The following TGM2 variants were observed in gnomAD, a reference collection of about 807,000 sequenced individuals.
TGM2 encodes the protein protein-glutamine gamma-glutamyltransferase 2.
A neutral mutation model predicts 75.6 loss-of-function variants in TGM2; 53 were observed. That is an observed-to-expected ratio of 0.70 (90% CI 0.56 to 0.88). The LOEUF (loss-of-function observed/expected upper bound fraction) is 0.88. Ranked by LOEUF, TGM2 falls within the 40% of genes least tolerant of loss-of-function variation. The probability of loss-of-function intolerance (pLI) is 0.00; values close to 1 mark genes in which losing one functional copy is unlikely to be tolerated. For missense variants in TGM2, 842 were observed against 928.5 expected (o/e 0.91, Z 1.21); for synonymous variants, 374 against 381.1 (o/e 0.98, Z 0.22).
Position 38,161,431 on chromosome 20 carries a change from C to T in TGM2, c.179G>A (p.Ser60Asn). ...YEASVDSLTF[S>N]VVTGPAPSQE... ...TTGCAGGTACTCACCGGTCACGACA[C>T]TGAAGGTGAGACTGTCTACACTGGC... The change falls in exon 2 of 13, where the codon AGT becomes AAT. Residue 60 changes from serine to asparagine, a missense_variant. By Grantham distance (46) the Ser-to-Asn change is conservative (BLOSUM62 1). Transcript: ENST00000361475. 1 of 1,614,096 alleles carries T rather than the reference C, an allele frequency of 6.2e-7. No homozygotes were observed. Among genetic ancestry groups the T allele is most frequent in the South Asian group, 1.1e-5 (1 of 91,074 alleles).
rs1568708771 is a variant in TGM2 at position 38,165,182 on chromosome 20, TACTC to T, written c.10+3_10+6del. 1.2e-6 allele frequency: 2 copies of T among 1,613,446 alleles called. No homozygotes were observed. The highest frequency in any genetic ancestry group is 1.7e-6 in the Non-Finnish European group (2 of 1,179,874). On this transcript the variant is annotated splice_donor_5th_base_variant and intron_variant, in intron 1 of 12. Coordinates refer to ENST00000361475, the MANE Select transcript of TGM2 (RefSeq NM_004613.4). ...TGAGTGGCGGCTGCGGTGACTCTGATACTCACCCTCGGCCATGGTCGGGCGGGGG... is the reference window on the plus strand; with the variant it reads ...TGAGTGGCGGCTGCGGTGACTCTGATACCCTCGGCCATGGTCGGGCGGGGG...
intron 6 of TGM2, chr20:38,145,672 G>A (rs1162642195): frequency 6.7e-6 from 1 of 149,994 alleles, no homozygotes; most frequent in African/African-American, 2.4e-5. Flanking sequence ...GTTCAGAGGA[G>A]TTAAGTGATT....
rs2074797853 is a variant in TGM2, at chr20:38,129,219, C to T, written c.*1000G>A. ...CCTTGGAGATGAGCTGGTTCAATCA[C>T]TCCTCTGACCAACAAGGAAACAAAG... On this transcript the variant is annotated 3_prime_UTR_variant, in exon 13 of 13. Coordinates refer to ENST00000361475, the MANE Select transcript of TGM2 (RefSeq NM_004613.4). 6.6e-6 allele frequency: 1 copy of T among 152,242 alleles called. No individual in the cohort carries two copies. 9.4% of individuals were successfully genotyped at this position (152,242 alleles called of 1,614,324 possible).
upstream of TGM2, chr20:38,165,304 G>A: frequency 1.3e-6 from 2 of 1,556,452 alleles, no homozygotes; most frequent in Middle Eastern, 1.8e-4. Context: ...CTTATAGCCC[G>A]CTTTGGGGCG....
At chr20:38,132,154 T>C (rs1271202075) in intron 11 of TGM2, among the ~76,000 whole-genome samples, 186 bp downstream of exon 11, 1 of 152,152 alleles carries the variant, frequency 6.6e-6, no homozygotes, top group Admixed American at 6.5e-5. Context: ...TCCTAGAGGC[T>C]ACGAGTCCCC....
At chr20:38,136,085 T>A (rs2074896817) in intron 10 of TGM2, among the ~76,000 whole-genome samples, 1 of 152,186 alleles carries the variant, frequency 6.6e-6, no homozygotes, top group Admixed American at 6.5e-5. Context: ...GGCCCTGTCC[T>A]GGTACCAAGA....
chr20:38,139,366 G>A (rs1477493473), intron 9 of TGM2, 46 bp downstream of exon 9: 1 of 1,613,478 alleles, frequency 6.2e-7, no homozygotes, highest in Non-Finnish European at 8.5e-7. Context: ...TGGGAAAACT[G>A]GATGCTTATC....
At chr20:38,132,740 C>A (rs1413266292) in intron 10 of TGM2, 9 of 625,990 alleles carry the variant, frequency 1.4e-5, no homozygotes, top group Non-Finnish European at 2.4e-5. Context: ...TGGTTCTAAT[C>A]CTGCCTTTGC....
intron 2 of TGM2, among the ~76,000 whole-genome samples, chr20:38,158,209 C>G (rs2075210880): frequency 6.6e-6 from 1 of 152,228 alleles, no homozygotes; most frequent in African/African-American, 2.4e-5. Flanking sequence ...AAACGCATTT[C>G]CCTTTCTCTC....
intron 4 of TGM2, among the ~76,000 whole-genome samples, chr20:38,148,871 G>A (rs2075079162): frequency 6.6e-6 from 1 of 152,080 alleles, no homozygotes; most frequent in African/African-American, 2.4e-5. Flanking sequence ...ACCTTCCACT[G>A]GACCACCCAC....
Position 38,146,842 on chromosome 20 carries a change from T to C in TGM2, c.734A>G (p.Tyr245Cys). The change falls in exon 6 of 13, where the codon TAC becomes TGC. Residue 245 changes from tyrosine (Y) to cysteine (C), a missense_variant. Transcript: ENST00000361475. ...GGACATGGGGCTGACGCCGTCCCCG[T>C]AGTTGTTGTCCCAGCGTCCCAGCAG... is the stretch of plus-strand genomic sequence containing the variant. ...GVLLGRWDNNYGDGVSPMSWI... is the reference protein window; with the variant it reads ...GVLLGRWDNNCGDGVSPMSWI... 6.2e-7 allele frequency: 1 copy of C among 1,613,952 alleles called. No individual in the cohort carries two copies. Among genetic ancestry groups the C allele is most frequent in the African/African-American group, 1.3e-5 (1 of 75,012 alleles).
At chr20:38,149,692 A>AAAAACAAAAAAAAAC (rs2075093551) in intron 4 of TGM2, among the ~76,000 whole-genome samples, 2 of 147,144 alleles carry the variant, frequency 1.4e-5, no homozygotes, top group South Asian at 2.2e-4. Context: ...AAAAAAAAAA[A>AAAAACAAAAAAAAAC]AAAAAAAAAC....
At chr20:38,150,879 A>T (rs2075107421) in intron 4 of TGM2, 60 bp downstream of exon 4, 2 of 1,326,040 alleles carry the variant, frequency 1.5e-6, no homozygotes. Flanking sequence ...GCCCCCAGAC[A>T]CAGGGCCGGG....
At chr20:38,153,038 C>CGGG (rs45518636) in intron 3 of TGM2, among the ~76,000 whole-genome samples, 17 of 84,980 alleles carry the variant, frequency 2.0e-4, no homozygotes, top group African/African-American at 6.2e-4. Flanking sequence ...ACCTATGGGG[C>CGGG]GGGGGGGGGG....
At position 38,146,892 on chromosome 20, in the gene TGM2, G is replaced by A. The variant is rs759558832; in HGVS notation, c.684C>T (p.Val228=). 1 of 1,612,546 alleles carries A rather than the reference G, an allele frequency of 6.2e-7. No homozygotes were observed. The highest frequency in any genetic ancestry group is 8.5e-7 in the Non-Finnish European group (1 of 1,179,960). The change falls in exon 6 of 13, where the codon GTC becomes GTT. Residue 228 remains valine, a splice_region_variant and synonymous_variant. Transcript: ENST00000361475. ...VYVGRVVSGM[V]NCNDDQGVLL... ...GCACACCCTGGTCATCGTTGCAGTT[G>A]ACCTGCAACCAGTGGGGCAGCACGG...
In TGM2 at chr20:38,128,694, C is replaced by G. The variant is rs932648053; in HGVS notation, c.*1525G>C. The G allele has an allele frequency of 2.0e-5, 3 of 152,224 alleles. No individual in the cohort carries two copies. The highest frequency in any genetic ancestry group is 2.9e-5 in the Non-Finnish European group (2 of 68,054). The allele number at this position is 152,224 out of a possible 1,614,324, so 9.4% of individuals were successfully genotyped here. ...AGTCCTTCCCTGGGATTTGGGGGGCCCTGGAGGCTGTGATCTCACCTCCAA... is the reference window on the plus strand; with the variant it reads ...AGTCCTTCCCTGGGATTTGGGGGGCGCTGGAGGCTGTGATCTCACCTCCAA... On this transcript the variant is annotated 3_prime_UTR_variant, in exon 13 of 13. Transcript: ENST00000361475.
intron 12 of TGM2, 140 bp from the exon 13 acceptor site, chr20:38,130,509 G>C (rs773594681): frequency 9.5e-5 from 89 of 934,582 alleles, no homozygotes; most frequent in Admixed American, 6.4e-4. Context: ...CCCTCTGCGG[G>C]GCCTGGACAA....
Position 38,146,736 on chromosome 20 carries a change from G to A in TGM2, c.840C>T (p.Phe280=), listed in dbSNP as rs768320957. 6 of 1,613,072 alleles carry A rather than the reference G, an allele frequency of 3.7e-6. No homozygotes were observed. The highest frequency in any genetic ancestry group is 5.1e-6 in the Non-Finnish European group (6 of 1,179,418). Reference sequence around the variant, plus strand: ...GCTCACCTGTGCAGGCCACGGCGGCGAAGACCCAGCACTGGCCATACTTGA... The same window carrying A: ...GCTCACCTGTGCAGGCCACGGCGGCAAAGACCCAGCACTGGCCATACTTGA... The part of the protein sequence containing the change: ...QRVKYGQCWV[F]AAVACTVLRC... The change falls in exon 6 of 13, where the codon TTC becomes TTT. Residue 280 remains phenylalanine, a synonymous_variant. Coordinates refer to ENST00000361475, the MANE Select transcript of TGM2 (RefSeq NM_004613.4).
At chr20:38,153,041 G>A (rs545307018) in intron 3 of TGM2, among the ~76,000 whole-genome samples, 2 of 137,376 alleles carry the variant, frequency 1.5e-5, no homozygotes, top group Non-Finnish European at 3.2e-5. Context: ...TATGGGGCGG[G>A]GGGGGGGATC....
Sources: allele counts gnomAD v4.1 joint callset (sites outside exome capture counted in the v4.1 genomes callset), GRCh38; gene constraint gnomAD v4.1.1; transcripts MANE v1.5; gene names NCBI Gene and HGNC (gene_info 2026-07-23, HGNC 2026-07-21).